CACNG1: variants seen among roughly 807,000 people sequenced by gnomAD.
The protein encoded by CACNG1 is voltage-dependent calcium channel gamma-1 subunit.
A neutral mutation model predicts 22.0 loss-of-function variants in CACNG1; 21 were observed. The ratio of observed to expected loss-of-function variants is 0.95; its 90% CI spans 0.68 to 1.37. The LOEUF is 1.37. Among genes scored for constraint, CACNG1 ranks in the 40% most tolerant of loss-of-function variants. The pLI, the probability that CACNG1 is intolerant of heterozygous loss-of-function variation, is 0.00. For missense variants in CACNG1, 291 were observed against 308.6 expected, an observed-to-expected ratio of 0.94 and a Z score of 0.43; for synonymous variants, 127 against 129.2, an observed-to-expected ratio of 0.98 and a Z score of 0.12.
In CACNG1 at chr17:67,056,035, C is replaced by T. The variant is rs753391778; in HGVS notation, c.443-10C>T. The T allele has an allele frequency of 6.2e-7, 1 of 1,606,124 alleles. No individual in the cohort carries two copies. Among genetic ancestry groups the T allele is most frequent in the Non-Finnish European group, 8.5e-7 (1 of 1,177,534 alleles). ...CCTCGGTCCCTGAGCATGCCTGGCT[C>T]TGCCCCCAGGTCTCTGCATCCTCGT... On this transcript the variant is annotated splice_polypyrimidine_tract_variant and intron_variant, in intron 3 of 3. Transcript: ENST00000226021. The surrounding 1 kb of genome is among the most constrained non-coding windows in gnomAD (Gnocchi z 4.3).
At position 67,054,136 on chromosome 17, in the gene CACNG1, C is replaced by T. The variant is rs1434310163; in HGVS notation, c.304+66C>T. The T allele has an allele frequency of 7.7e-7, 1 of 1,302,950 alleles. No individual in the cohort carries two copies. Among genetic ancestry groups the T allele is most frequent in the Non-Finnish European group, 1.1e-6 (1 of 897,308 alleles). 80.7% of individuals were successfully genotyped at this position (1,302,950 alleles called of 1,614,324 possible). A position where few individuals can be genotyped will look rare whatever the true frequency, so the allele number is the denominator to read the frequency against. ...ACTTCTGTGTTGTGCACCACTGGGC[C>T]AGAAAGTCATTGGCAAAAGCACTGA... is the stretch of plus-strand genomic sequence containing the variant. On this transcript the variant is annotated intron_variant, in intron 2 of 3. Transcript: ENST00000226021. The surrounding 1 kb of genome is among the most constrained non-coding windows in gnomAD (Gnocchi z 4.6).
chr17:67,054,047 T>C lies in CACNG1; in HGVS notation c.281T>C (p.Ile94Thr). 2 of 1,614,022 alleles carry C rather than the reference T, an allele frequency of 1.2e-6. No individual in the cohort carries two copies. Among genetic ancestry groups the C allele is most frequent in the South Asian group, 1.1e-5 (1 of 91,064 alleles). The change falls in exon 2 of 4, where the codon ATC becomes ACC. Residue 94 changes from isoleucine (I) to threonine (T), a missense_variant. Physicochemically the swap from Ile to Thr is moderately conservative, Grantham distance 89. Transcript: ENST00000226021. The surrounding 1 kb of genome is among the most constrained non-coding windows in gnomAD (Gnocchi z 4.6). ...TTTAACCCCGGCGAGAGCTCGGAGATCTTCGAATTCACCACTCAGAAGGGT... is the reference window on the plus strand; with the variant it reads ...TTTAACCCCGGCGAGAGCTCGGAGACCTTCGAATTCACCACTCAGAAGGGT... ...RHFNPGESSE[I>T]FEFTTQKEYS...
Position 67,055,128 on chromosome 17 carries a change from C to T in CACNG1, c.330C>T (p.Ile110=), listed in dbSNP as rs765124047. 9 of 1,614,052 alleles carry T rather than the reference C, an allele frequency of 5.6e-6. No homozygotes were observed. The Admixed American group carries it at 8.3e-5, about 15-fold the overall frequency. ...AGTACAGCATCTCGGCAGCCGCCAT[C>T]GCCATCTTCAGCCTTGGCTTCATCA... ...QKEYSISAAA[I]AIFSLGFIIL... The change falls in exon 3 of 4, where the codon ATC becomes ATT. Residue 110 remains isoleucine, a synonymous_variant. Transcript: ENST00000226021. This position sits in a 1 kb window ranked among gnomAD's most constrained non-coding sequence, Gnocchi z 4.5.
At chr17:67,046,040 T>A (rs143245883) in intron 1 of CACNG1, among the ~76,000 whole-genome samples, 78 of 152,264 alleles carry the variant, frequency 5.1e-4, no homozygotes, top group African/African-American at 1.7e-3. Flanking sequence ...GCTTCTGGAT[T>A]CTTAGCAAAT....
chr17:67,047,574 C>A (rs1489404087), intron 1 of CACNG1, among the ~76,000 whole-genome samples: 1 of 152,132 alleles, frequency 6.6e-6, no homozygotes, highest in Non-Finnish European at 1.5e-5. Context: ...TCCCTGAAAA[C>A]CCCCACTTGA....
rs1332215306 is a variant in CACNG1 at position 67,044,650 on chromosome 17, C to G, written c.-11C>G. 1.3e-6 allele frequency: 2 copies of G among 1,587,638 alleles called. No homozygotes were observed. Among genetic ancestry groups the G allele is most frequent in the Non-Finnish European group, 1.7e-6 (2 of 1,166,880 alleles). ...GACCCTGCCCAGGGCACCCACGCCTCGGCGACCACCATGTCCCAGACCAAA... is the reference window on the plus strand; with the variant it reads ...GACCCTGCCCAGGGCACCCACGCCTGGGCGACCACCATGTCCCAGACCAAA... On this transcript the variant is annotated 5_prime_UTR_variant, in exon 1 of 4. Coordinates refer to ENST00000226021, the MANE Select transcript of CACNG1 (RefSeq NM_000727.4). This position sits in a 1 kb window ranked among gnomAD's most constrained non-coding sequence, Gnocchi z 6.9.
rs753370294 is a variant in CACNG1 at position 67,044,665 on chromosome 17, C to T, written c.5C>T (p.Ser2Phe). The change falls in exon 1 of 4, where the codon TCC becomes TTC. Residue 2 changes from serine (S) to phenylalanine (F), a missense_variant. By Grantham distance (155) the Ser-to-Phe change is radical (BLOSUM62 -2). Transcript: ENST00000226021. The surrounding 1 kb of genome is among the most constrained non-coding windows in gnomAD (Gnocchi z 6.9). The stretch of plus-strand genomic sequence containing the variant: ...ACCCACGCCTCGGCGACCACCATGT[C>T]CCAGACCAAAATGCTGAAGGTCCGC... M[S>F]QTKMLKVRVT... 1 of 1,604,126 alleles carries T rather than the reference C, an allele frequency of 6.2e-7. No homozygotes were observed. Among genetic ancestry groups the T allele is most frequent in the Non-Finnish European group, 8.5e-7 (1 of 1,179,122 alleles).
At chr17:67,048,066 CAAAA>C (rs930846583) in intron 1 of CACNG1, among the ~76,000 whole-genome samples, 48 of 152,062 alleles carry the variant, frequency 3.2e-4, no homozygotes, top group African/African-American at 1.1e-3. Context: ...TCACACATGA[CAAAA>C]AACACATACT....
intron 1 of CACNG1, among the ~76,000 whole-genome samples, chr17:67,047,992 G>A (rs2035706619): frequency 6.6e-6 from 1 of 152,182 alleles, no homozygotes; most frequent in Non-Finnish European, 1.5e-5. Context: ...GAGAGGCATT[G>A]TTGCCAAGCG....
rs1198304943 is a variant in CACNG1 at position 67,054,532 on chromosome 17, C to A, written c.304+462C>A. 2.0e-5 allele frequency among the ~76,000 whole-genome samples: 3 copies of A among 152,144 alleles called. No individual in the cohort carries two copies. Among genetic ancestry groups the A allele is most frequent in the African/African-American group, 7.2e-5 (3 of 41,416 alleles). On this transcript the variant is annotated intron_variant, in intron 2 of 3. Coordinates refer to ENST00000226021, the MANE Select transcript of CACNG1 (RefSeq NM_000727.4). This position sits in a 1 kb window ranked among gnomAD's most constrained non-coding sequence, Gnocchi z 4.6. ...GGATCCGCAGAGCTCAGACGCACAC[C>A]CATTGTCGGGAGTACAGACCCGTGC...
At chr17:67,045,529 T>TAA (rs2035691926) in intron 1 of CACNG1, among the ~76,000 whole-genome samples, 1 of 147,910 alleles carries the variant, frequency 6.8e-6, no homozygotes, top group Non-Finnish European at 1.5e-5. Context: ...ACCTTCTTTT[T>TAA]TTTTTTTTTT....
At chr17:67,047,598 T>C (rs879766000) in intron 1 of CACNG1, among the ~76,000 whole-genome samples, 2 of 152,200 alleles carry the variant, frequency 1.3e-5, no homozygotes, top group Non-Finnish European at 2.9e-5. Context: ...GCTGTTTCTG[T>C]TTGACCTGAC....
chr17:67,048,036 T>C (rs371839958), intron 1 of CACNG1, among the ~76,000 whole-genome samples: 295 of 152,282 alleles, frequency 1.9e-3, no homozygotes, highest in African/African-American at 6.7e-3. Context: ...ACTAAGCTAA[T>C]TGAACAGGGA....
At chr17:67,048,703 A>G (rs181073629) in intron 1 of CACNG1, among the ~76,000 whole-genome samples, 1 of 152,366 alleles carries the variant, frequency 6.6e-6, no homozygotes, top group East Asian at 1.9e-4. Flanking sequence ...CTCATGAAAT[A>G]GAAACTATCA....
chr17:67,049,572 T>TTCTTATTCTACAGGTGGG, intron 1 of CACNG1, among the ~76,000 whole-genome samples: 1 of 143,158 alleles, frequency 7.0e-6, no homozygotes, highest in Non-Finnish European at 1.6e-5. Flanking sequence ...CTACAGGTGG[T>TTCTTATTCTACAGGTGGG]TCTCATTCTA....
intron 1 of CACNG1, among the ~76,000 whole-genome samples, chr17:67,052,500 A>G (rs1160217611): frequency 6.6e-6 from 1 of 152,248 alleles, no homozygotes; most frequent in East Asian, 1.9e-4. Flanking sequence ...GTACATTTCC[A>G]GAAAGAACTA....
rs988063550 is a variant in CACNG1 at position 67,054,930 on chromosome 17, TACAC to T, written c.305-169_305-166del. 7.5e-5 allele frequency among the ~76,000 whole-genome samples: 11 copies of T among 146,868 alleles called. No homozygotes were observed. Among genetic ancestry groups the T allele is most frequent in the Admixed American group, 3.4e-4 (5 of 14,798 alleles). On this transcript the variant is annotated intron_variant, in intron 2 of 3. Coordinates refer to ENST00000226021, the MANE Select transcript of CACNG1 (RefSeq NM_000727.4). This position sits in a 1 kb window ranked among gnomAD's most constrained non-coding sequence, Gnocchi z 4.6. ...ACACAGACACTGACACACACACAGA[TACAC>T]ACATACAATGACACACACAAGACAG...
chr17:67,056,317 G>T lies in CACNG1; in HGVS notation c.*46G>T, dbSNP rs375091485. 19 of 1,568,888 alleles carry T rather than the reference G, an allele frequency of 1.2e-5. No homozygotes were observed. The African/African-American group carries it at 2.6e-4, about 21-fold the overall frequency. ...CCCTCAGGCTTCTTCCCCAGGAAGC[G>T]GGGTCTTGGCCTGGAACCTTCCAGA... On this transcript the variant is annotated 3_prime_UTR_variant, in exon 4 of 4. Transcript: ENST00000226021. The surrounding 1 kb of genome is among the most constrained non-coding windows in gnomAD (Gnocchi z 4.3).
rs753087164 is a variant in CACNG1 at position 67,056,211 on chromosome 17, C to T, written c.609C>T (p.Ser203=). 5 of 1,614,044 alleles carry T rather than the reference C, an allele frequency of 3.1e-6. No homozygotes were observed. In the Admixed American group the frequency reaches 8.3e-5, roughly 27 times the overall value. The change falls in exon 4 of 4, where the codon TCC becomes TCT. Residue 203 remains serine, a synonymous_variant. Transcript: ENST00000226021. The surrounding 1 kb of genome is among the most constrained non-coding windows in gnomAD (Gnocchi z 4.3). ...FLGGLALLLF[S]LPRMPRNPWE... is the part of the protein sequence containing the mutation. ...GCGGTCTCGCCCTCCTGCTGTTCTC[C>T]CTGCCTCGAATGCCCCGGAACCCAT...
Sources: allele counts gnomAD v4.1 joint callset (sites outside exome capture counted in the v4.1 genomes callset), GRCh38; gene constraint gnomAD v4.1.1; non-coding constraint Gnocchi (gnomAD v3.1); transcripts MANE v1.5; gene names NCBI Gene and HGNC (gene_info 2026-07-23, HGNC 2026-07-21).